Variants in UNC5C observed in about 807,000 individuals in gnomAD.
UNC5C encodes the protein netrin receptor UNC5C.
A neutral mutation model predicts 99.8 loss-of-function variants in UNC5C; 47 were observed. The ratio of observed to expected loss-of-function variants is 0.47; its 90% confidence interval spans 0.37 to 0.60. UNC5C has a LOEUF of 0.60. Among genes scored for constraint, UNC5C ranks in the 20% least tolerant of loss-of-function variants. UNC5C has a pLI of 0.00. For synonymous variants in UNC5C, 487 were observed against 452.2 expected (o/e 1.08, Z -0.98); for missense variants, 1,062 against 1,165.9 (o/e 0.91, Z 1.30).
At chr4:95,396,966 C>T (rs984222981) in intron 1 of UNC5C, among the ~76,000 whole-genome samples, 1 of 152,102 alleles carries the variant, frequency 6.6e-6, no homozygotes, top group Admixed American at 6.5e-5. Flanking sequence ...ATTTACGAAG[C>T]CCCTCTCATG....
At chr4:95,450,325 T>G (rs1747246639) in intron 1 of UNC5C, among the ~76,000 whole-genome samples, 1 of 152,186 alleles carries the variant, frequency 6.6e-6, no homozygotes, top group Non-Finnish European at 1.5e-5. Flanking sequence ...GCTCAAGTGA[T>G]CCTCACATAT....
intron 1 of UNC5C, among the ~76,000 whole-genome samples, chr4:95,350,130 C>T (rs1476496817): frequency 3.9e-5 from 6 of 152,036 alleles, no homozygotes; most frequent in African/African-American, 1.4e-4. Context: ...TTCACTTTAA[C>T]GTGCTTAATT....
chr4:95,175,249 A>T (rs1487083586), intron 14 of UNC5C, among the ~76,000 whole-genome samples: 2 of 151,528 alleles, frequency 1.3e-5, no homozygotes, highest in East Asian at 3.9e-4. Context: ...TTACATTTAA[A>T]GTTAATATTG....
intron 1 of UNC5C, among the ~76,000 whole-genome samples, chr4:95,413,847 G>A (rs913878643): frequency 6.6e-6 from 1 of 152,198 alleles, no homozygotes; most frequent in African/African-American, 2.4e-5. Flanking sequence ...CCCTGCAAAT[G>A]TACAGGTGTC....
intron 13 of UNC5C, 78 bp downstream of exon 13, chr4:95,184,969 G>T: frequency 7.3e-7 from 1 of 1,364,446 alleles, no homozygotes; most frequent in Non-Finnish European, 9.7e-7. Flanking sequence ...CAAGGAAGGG[G>T]ATTTCCTATG....
intron 2 of UNC5C, among the ~76,000 whole-genome samples, chr4:95,304,505 A>G (rs1294058367): frequency 6.6e-6 from 1 of 151,806 alleles, no homozygotes; most frequent in East Asian, 1.9e-4. Context: ...CATTATTCCA[A>G]TTCTGGAAAT....
intron 12 of UNC5C, among the ~76,000 whole-genome samples, chr4:95,185,880 C>CAGTT (rs1355346749): frequency 1.3e-5 from 2 of 152,128 alleles, no homozygotes; most frequent in Non-Finnish European, 2.9e-5. Flanking sequence ...TTGAACTAAA[C>CAGTT]AGTTACTCCA....
chr4:95,188,640 C>G (rs1736933088), intron 12 of UNC5C, among the ~76,000 whole-genome samples: 1 of 152,190 alleles, frequency 6.6e-6, no homozygotes, highest in African/African-American at 2.4e-5. Context: ...GAATTCTTCG[C>G]ACATGATCTC....
chr4:95,490,156 C>G (rs1038952630), intron 1 of UNC5C, among the ~76,000 whole-genome samples: 28 of 151,320 alleles, frequency 1.9e-4, no homozygotes, highest in Admixed American at 1.3e-3. Context: ...AAAAGGGAAG[C>G]GGAACACGAT....
intron 4 of UNC5C, among the ~76,000 whole-genome samples, chr4:95,262,710 A>G (rs1028768363): frequency 8.5e-5 from 13 of 152,218 alleles, no homozygotes; most frequent in African/African-American, 2.9e-4. Context: ...TATGATGACC[A>G]ATGGAAATTT....
chr4:95,411,271 T>G (rs1298539971), intron 1 of UNC5C, among the ~76,000 whole-genome samples: 2 of 151,862 alleles, frequency 1.3e-5, no homozygotes, highest in African/African-American at 4.9e-5. Context: ...AAGATTTATG[T>G]TTTTGGTCTA....
chr4:95,545,205 T>C (rs1723025862), intron 1 of UNC5C, among the ~76,000 whole-genome samples: 1 of 152,204 alleles, frequency 6.6e-6, no homozygotes, highest in South Asian at 2.1e-4. Context: ...TTACCCTCAG[T>C]ATCCAGAATA....
At chr4:95,258,746 C>CCTTT (rs1740102999) in intron 4 of UNC5C, among the ~76,000 whole-genome samples, 1 of 76,054 alleles carries the variant, frequency 1.3e-5, no homozygotes, top group East Asian at 5.3e-4. Flanking sequence ...CCATCTTATT[C>CCTTT]TTTTTTTTTT....
intron 1 of UNC5C, among the ~76,000 whole-genome samples, chr4:95,351,532 C>G (rs1456935841): frequency 6.6e-6 from 1 of 151,932 alleles, no homozygotes; most frequent in Admixed American, 6.6e-5. Flanking sequence ...TTAAAAAATT[C>G]TATGTGGCCA....
At chr4:95,185,253 G>A (rs1736786403) in intron 12 of UNC5C, 57 bp from the exon 13 acceptor site, 2 of 1,534,066 alleles carry the variant, frequency 1.3e-6, no homozygotes, top group African/African-American at 1.4e-5. Flanking sequence ...ACTTCTGTCA[G>A]CTCTCTCATT....
At position 95,242,410 on chromosome 4, in the gene UNC5C, T is replaced by G. The variant is rs771320753; in HGVS notation, c.1108+19A>C. 6.2e-7 allele frequency: 1 copy of G among 1,613,944 alleles called. No individual in the cohort carries two copies. The highest frequency in any genetic ancestry group is 8.5e-7 in the Non-Finnish European group (1 of 1,179,904). ...TCTCCAGCCCCCTCAATGTCTGCAG[T>G]TTGCTTAAATTGACTTACTCTGCAT... On this transcript the variant is annotated intron_variant, in intron 7 of 15. Transcript: ENST00000453304.
chr4:95,230,049 G>A (rs1738852976), intron 7 of UNC5C, among the ~76,000 whole-genome samples: 1 of 151,972 alleles, frequency 6.6e-6, no homozygotes, highest in Non-Finnish European at 1.5e-5. Context: ...GACCTCAGGT[G>A]ATCCACCTGC....
chr4:95,506,454 G>C (rs1034061227), intron 1 of UNC5C, among the ~76,000 whole-genome samples: 3 of 151,964 alleles, frequency 2.0e-5, no homozygotes, highest in African/African-American at 7.2e-5. Context: ...AGGTGATAGT[G>C]ATGTTAAGCA....
At chr4:95,527,677 T>A (rs148376471) in intron 1 of UNC5C, among the ~76,000 whole-genome samples, 30 of 152,260 alleles carry the variant, frequency 2.0e-4, no homozygotes, top group African/African-American at 6.7e-4. Context: ...ACATATAATT[T>A]CCATGCCAAA....
Sources: gnomAD v4.1 joint callset for allele counts (sites outside exome capture counted in the v4.1 genomes callset) on GRCh38, gnomAD v4.1.1 for gene constraint, MANE v1.5 for transcripts, NCBI Gene and HGNC (gene_info 2026-07-23, HGNC 2026-07-21) for gene names.